BSCL2: variants seen among roughly 807,000 people sequenced by gnomAD.
BSCL2 encodes the protein BSCL2 lipid droplet biogenesis associated, seipin, also known as seipin.
Under a neutral mutation model 57.4 loss-of-function variants are expected in BSCL2, and 41 were observed. The ratio of observed to expected loss-of-function variants is 0.71; its 90% CI spans 0.56 to 0.93. BSCL2 has a LOEUF of 0.93. BSCL2 is among the 40% of genes least tolerant of loss of function. The pLI is 0.00. For missense variants in BSCL2, 539 were observed against 586.7 expected (o/e 0.92, Z 0.84); for synonymous variants, 237 against 227.3 (o/e 1.04, Z -0.38).
chr11:62,708,144 G>T, upstream of BSCL2: 1 of 671,212 alleles, frequency 1.5e-6, no homozygotes, highest in Non-Finnish European at 2.8e-6. Context: ...GGAATACAGG[G>T]ATGAGACAGT....
intron 3 of BSCL2, 59 bp downstream of exon 3, chr11:62,702,409 T>G (rs761979025): frequency 6.8e-7 from 1 of 1,475,060 alleles, no homozygotes; most frequent in East Asian, 2.3e-5. Context: ...CTTTCTCAAG[T>G]CTTCCTATTT....
At chr11:62,706,993 A>C in intron 1 of BSCL2, 116 bp downstream of exon 1, 3 of 889,712 alleles carry the variant, frequency 3.4e-6, no homozygotes, top group East Asian at 2.6e-5. Context: ...GGGCGTGGGA[A>C]GTAATCTATT....
chr11:62,709,495 A>T (rs923892416), upstream of BSCL2: 66 of 453,928 alleles, frequency 1.5e-4, no homozygotes, highest in African/African-American at 1.3e-3. Context: ...GTGCAGTCGT[A>T]CAGCAGAGGA....
intron 3 of BSCL2, among the ~76,000 whole-genome samples, chr11:62,695,144 T>C (rs988276154): frequency 6.6e-6 from 1 of 152,178 alleles, no homozygotes; most frequent in Non-Finnish European, 1.5e-5. Flanking sequence ...TCATCCTCGC[T>C]CCAGATCATC....
At position 62,691,116 on chromosome 11, in the gene BSCL2, G is replaced by A. The variant is rs140676897; in HGVS notation, c.1031C>T (p.Ser344Phe). The change falls in exon 8 of 11, where the codon TCC becomes TTC. Residue 344 changes from serine (S) to phenylalanine (F), a missense_variant. Ser to Phe is a radical substitution (Grantham distance 155). Around this residue, in one of 3 missense-constraint regions of BSCL2, gnomAD observed 248 missense variants for 239.9 expected, o/e 1.03. Coordinates refer to ENST00000360796, the MANE Select transcript of BSCL2 (RefSeq NM_001122955.4). ...GATCCTTCGTTGGACTTCCTTCCGG[G>A]AATTGTCTCTTTTTCGGATGTTAAC... ...LQVNIRKRDN[S>F]RKEVQRRISA... The A allele has an allele frequency of 6.1e-5, 98 of 1,614,188 alleles. No individual in the cohort carries two copies. In the African/African-American group the frequency reaches 1.0e-3, roughly 17 times the overall value.
At chr11:62,706,439 C>T (rs1466378589) in intron 1 of BSCL2, 2 of 452,686 alleles carry the variant, frequency 4.4e-6, no homozygotes, top group East Asian at 7.5e-5. Flanking sequence ...AGGTCGCTGT[C>T]TCCTTGCGCT....
At chr11:62,704,563 C>T (rs1281923489) in intron 2 of BSCL2, among the ~76,000 whole-genome samples, 1 of 69,988 alleles carries the variant, frequency 1.4e-5, no homozygotes, top group Non-Finnish European at 3.5e-5. Flanking sequence ...AAAACAATAA[C>T]AAAACAAAAA....
chr11:62,708,846 T>C, upstream of BSCL2: 1 of 1,495,634 alleles, frequency 6.7e-7, no homozygotes. Flanking sequence ...CTTTTCCCTC[T>C]CCTGGGCCCT....
Position 62,707,214 on chromosome 11 carries a change from T to G in BSCL2, c.-19A>C. On this transcript the variant is annotated 5_prime_UTR_variant, in exon 1 of 11. Transcript: ENST00000360796. The stretch of plus-strand genomic sequence containing the variant: ...TAGACATCTTCCTGACGAGCCTCTG[T>G]TGACTCTGGATCTTCCACTGAGTCA... 6.4e-7 allele frequency: 1 copy of G among 1,551,168 alleles called. No individual in the cohort carries two copies.
At chr11:62,704,884 C>T (rs1267530565) in intron 2 of BSCL2, among the ~76,000 whole-genome samples, 1 of 152,060 alleles carries the variant, frequency 6.6e-6, no homozygotes, top group Admixed American at 6.6e-5. Context: ...ATTGTGTAGC[C>T]GACTTTCAGG....
At chr11:62,698,611 G>A (rs1383079020) in intron 3 of BSCL2, among the ~76,000 whole-genome samples, 1 of 152,258 alleles carries the variant, frequency 6.6e-6, no homozygotes, top group East Asian at 1.9e-4. Flanking sequence ...CTTATAGCAA[G>A]CCGTTACACA....
intron 2 of BSCL2, among the ~76,000 whole-genome samples, chr11:62,703,102 A>T (rs1017075377): frequency 6.6e-6 from 1 of 151,314 alleles, no homozygotes; most frequent in Admixed American, 6.6e-5. Context: ...GTGAGCCAAG[A>T]TCACGCCACT....
chr11:62,692,917 T>C (rs1945350524), intron 4 of BSCL2, 120 bp from the exon 5 acceptor site: 10 of 1,312,878 alleles, frequency 7.6e-6, no homozygotes, highest in Non-Finnish European at 9.5e-6. Context: ...GGTCCCTGGC[T>C]GCCTCACCTT....
At chr11:62,694,259 A>C (rs1182857128) in intron 4 of BSCL2, among the ~76,000 whole-genome samples, 1 of 121,432 alleles carries the variant, frequency 8.2e-6, no homozygotes, top group African/African-American at 3.2e-5. Context: ...GAGGGAGAAT[A>C]GTGGTGCAAT....
upstream of BSCL2, chr11:62,707,679 C>A (rs2083565462): frequency 2.5e-6 from 1 of 398,742 alleles, no homozygotes; most frequent in Non-Finnish European, 4.7e-6. Flanking sequence ...GCAGCTCCTT[C>A]TAGCATCCTT....
Position 62,694,676 on chromosome 11 carries a change from T to A in BSCL2, c.522A>T (p.Leu174Phe). The change falls in exon 4 of 11, where the codon TTA (leucine) becomes TTT (phenylalanine). Residue 174 changes from leucine (L) to phenylalanine (F), a missense_variant. Around this residue, in one of 3 missense-constraint regions of BSCL2, gnomAD observed 218 missense variants for 224.8 expected, o/e 0.97. Transcript: ENST00000360796. ...LMYGQPYRVT[L>F]ELELPESPVN... Reference sequence around the variant, plus strand: ...CAGGGGACTCTGGCAGCTCAAGCTCTAAGGTAACACGATACGGCTGTCCAT... The same window carrying A: ...CAGGGGACTCTGGCAGCTCAAGCTCAAAGGTAACACGATACGGCTGTCCAT... 6.2e-7 allele frequency: 1 copy of A among 1,614,130 alleles called. No homozygotes were observed. The highest frequency in any genetic ancestry group is 8.5e-7 in the Non-Finnish European group (1 of 1,180,024).
chr11:62,709,082 G>A, upstream of BSCL2: 1 of 484,270 alleles, frequency 2.1e-6, no homozygotes, highest in Non-Finnish European at 3.9e-6. Flanking sequence ...CGTCCTGCCC[G>A]CTTCCCTCGG....
chr11:62,693,140 C>A (rs1462064309), intron 4 of BSCL2, among the ~76,000 whole-genome samples: 2 of 152,140 alleles, frequency 1.3e-5, no homozygotes, highest in Non-Finnish European at 2.9e-5. Flanking sequence ...AGCTTTCCCC[C>A]CATCATGTAG....
chr11:62,706,601 C>G (rs1239287212), intron 1 of BSCL2: 1 of 469,918 alleles, frequency 2.1e-6, no homozygotes, highest in Non-Finnish European at 4.4e-6. Context: ...AATCACAGCC[C>G]TCCGTGCACA....
Sources: allele counts gnomAD v4.1 joint callset (sites outside exome capture counted in the v4.1 genomes callset), GRCh38; gene constraint gnomAD v4.1.1; regional missense constraint gnomAD v4.1.1; transcripts MANE v1.5; gene names NCBI Gene and HGNC (gene_info 2026-07-23, HGNC 2026-07-21).